Variants in FTO observed in about 807,000 individuals in gnomAD.
FTO encodes alpha-ketoglutarate-dependent dioxygenase FTO.
In FTO, 47 loss-of-function variants were observed where a neutral mutation model predicts 63.9. That is an observed-to-expected ratio of 0.74 (90% confidence interval 0.58 to 0.94). FTO has a LOEUF of 0.94. FTO is among the 40% of genes least tolerant of loss of function. FTO has a pLI of 0.00. For missense variants in FTO, 562 were observed against 618.1 expected (o/e 0.91, Z 0.96); for synonymous variants, 207 against 224.4 (o/e 0.92, Z 0.69).
intron 1 of FTO, among the ~76,000 whole-genome samples, chr16:53,733,152 C>A (rs2076311630): frequency 6.6e-6 from 1 of 152,228 alleles, no homozygotes; most frequent in South Asian, 2.1e-4. Flanking sequence ...GTTATCCCAG[C>A]ACTTTGGGAG....
intron 7 of FTO, among the ~76,000 whole-genome samples, chr16:53,894,419 C>G (rs186776662): frequency 6.6e-6 from 1 of 152,234 alleles, no homozygotes; most frequent in East Asian, 1.9e-4. Context: ...AGATTAAATT[C>G]TTTAAAACTG....
chr16:54,096,985 A>T lies in FTO; in HGVS notation c.1365-14777A>T, dbSNP rs532081932. On this transcript the variant is annotated intron_variant, in intron 8 of 8. Transcript: ENST00000471389. ...GGGCTGGAGGCCCCAAGATGGACTC[A>T]TCTGTTAAGGCCTTGGCACTAGCTG... Among the ~76,000 whole-genome samples, 19 of 152,342 alleles carry T rather than the reference A, an allele frequency of 1.2e-4. No individual in the cohort carries two copies. The East Asian group carries it at 3.5e-3, about 28-fold the overall frequency.
At chr16:54,069,028 A>T (rs1421764984) in intron 8 of FTO, among the ~76,000 whole-genome samples, 1 of 152,200 alleles carries the variant, frequency 6.6e-6, no homozygotes, top group Non-Finnish European at 1.5e-5. Flanking sequence ...TACCCAAGAA[A>T]ACGAAAGCAT....
In FTO at chr16:54,117,237, A is replaced by G. The variant is rs2086980058; in HGVS notation, c.*5322A>G. On this transcript the variant is annotated 3_prime_UTR_variant, in exon 9 of 9. Coordinates refer to ENST00000471389, the MANE Select transcript of FTO (RefSeq NM_001080432.3). ...CACCTAAGGTTGTTGTGAAGGTTCA[A>G]TAAGTTAATGCGTATTTAAAATGCC... 6.6e-6 allele frequency: 1 copy of G among 152,206 alleles called. No individual in the cohort carries two copies. Among genetic ancestry groups the G allele is most frequent in the South Asian group, 2.1e-4 (1 of 4,820 alleles). The allele number at this position is 152,206 out of a possible 1,614,324, so 9.4% of individuals were successfully genotyped here. A position where few individuals can be genotyped will look rare whatever the true frequency, so the allele number is the denominator to read the frequency against.
At chr16:53,759,746 T>G (rs1226332213) in intron 1 of FTO, among the ~76,000 whole-genome samples, 4 of 150,742 alleles carry the variant, frequency 2.7e-5, no homozygotes, top group African/African-American at 9.8e-5. Flanking sequence ...GGTCATTTCC[T>G]TGACCTAAAA....
intron 8 of FTO, among the ~76,000 whole-genome samples, chr16:54,011,570 C>T (rs1599200703): frequency 6.6e-6 from 1 of 152,190 alleles, no homozygotes; most frequent in Admixed American, 6.6e-5. Context: ...TCTTTACAAA[C>T]TGAAAGTTTG....
At chr16:53,711,958 G>A (rs1172393838) in intron 1 of FTO, among the ~76,000 whole-genome samples, 2 of 152,114 alleles carry the variant, frequency 1.3e-5, no homozygotes, top group African/African-American at 4.8e-5. Context: ...AAATGCAGTG[G>A]CTTATACCTG....
intron 8 of FTO, among the ~76,000 whole-genome samples, chr16:53,940,601 T>C (rs2082505640): frequency 6.6e-6 from 1 of 152,224 alleles, no homozygotes; most frequent in African/African-American, 2.4e-5. Flanking sequence ...TTTATAGCTC[T>C]TTAGCTTTTA....
intron 1 of FTO, among the ~76,000 whole-genome samples, chr16:53,726,676 G>T (rs2076159962): frequency 6.6e-6 from 1 of 152,184 alleles, no homozygotes; most frequent in Non-Finnish European, 1.5e-5. Flanking sequence ...ATGTGTCTCT[G>T]CCTGGACAGA....
chr16:53,866,642 A>G (rs2080325174), intron 4 of FTO, among the ~76,000 whole-genome samples: 1 of 152,106 alleles, frequency 6.6e-6, no homozygotes, highest in Non-Finnish European at 1.5e-5. Context: ...ATAGGTTTTC[A>G]GATTTTTGGG....
chr16:53,788,732 G>A (rs549392629), intron 1 of FTO, among the ~76,000 whole-genome samples: 3 of 151,562 alleles, frequency 2.0e-5, no homozygotes, highest in Non-Finnish European at 4.4e-5. Context: ...CCTGTCTTTA[G>A]TATCATAGGG....
rs2080682988 is a variant in FTO, at chr16:53,877,234, A to C, written c.976-2610A>C. Among the ~76,000 whole-genome samples the C allele has an allele frequency of 1.3e-5, 2 of 152,226 alleles. 1 individual carries two copies. The highest frequency in any genetic ancestry group is 4.1e-4 in the South Asian group (2 of 4,832). On this transcript the variant is annotated intron_variant, in intron 5 of 8. Transcript: ENST00000471389. ...CAATTCCATGCCTAGGTAGTTTCCC[A>C]AGAGTGATGGAAACTTCTACAGGAA...
chr16:53,934,061 T>G lies in FTO; in HGVS notation c.1316T>G (p.Leu439Arg), dbSNP rs755099738. The change falls in exon 8 of 9, where the codon CTT becomes CGT. Residue 439 changes from leucine (L) to arginine (R), a missense_variant. Leu to Arg is a moderately radical substitution (Grantham distance 102, BLOSUM62 -2). Coordinates refer to ENST00000471389, the MANE Select transcript of FTO (RefSeq NM_001080432.3). ...AGGAATGAAATCTTGACTGCCATCCTTGCCTCGCTCACTGCACGCCAGAAC... is the reference window on the plus strand; with the variant it reads ...AGGAATGAAATCTTGACTGCCATCCGTGCCTCGCTCACTGCACGCCAGAAC... ...EQRNEILTAI[L>R]ASLTARQNLR... 1 of 1,614,188 alleles carries G rather than the reference T, an allele frequency of 6.2e-7. No individual in the cohort carries two copies. Among genetic ancestry groups the G allele is most frequent in the Non-Finnish European group, 8.5e-7 (1 of 1,179,982 alleles).
intron 4 of FTO, among the ~76,000 whole-genome samples, chr16:53,851,659 T>TA (rs2079800394): frequency 6.6e-6 from 1 of 152,176 alleles, no homozygotes; most frequent in Admixed American, 6.5e-5. Context: ...GCTGTATTTT[T>TA]AAAAAACATA....
chr16:53,749,510 G>C (rs1157968754), intron 1 of FTO, among the ~76,000 whole-genome samples: 5 of 151,474 alleles, frequency 3.3e-5, no homozygotes, highest in African/African-American at 4.9e-5. Context: ...GCAATCTCGG[G>C]TCACTGCAAG....
At chr16:54,083,930 G>A (rs796392830) in intron 8 of FTO, among the ~76,000 whole-genome samples, 5 of 152,296 alleles carry the variant, frequency 3.3e-5, no homozygotes, top group African/African-American at 1.2e-4. Flanking sequence ...GCCTTTCCAT[G>A]TACAGGTTAA....
rs2086999114 is a variant in FTO at position 54,120,665 on chromosome 16, G to C, written c.*8750G>C. On this transcript the variant is annotated 3_prime_UTR_variant, in exon 9 of 9. Coordinates refer to ENST00000471389, the MANE Select transcript of FTO (RefSeq NM_001080432.3). The stretch of plus-strand genomic sequence containing the variant: ...AAGTTTCTGATAAGTATTGAATTTG[G>C]GAAGGCTGTGAACATTCTTGAGCCC... The C allele has an allele frequency of 1.3e-5, 2 of 152,056 alleles. No homozygotes were observed. Among genetic ancestry groups the C allele is most frequent in the Non-Finnish European group, 2.9e-5 (2 of 68,008 alleles). 9.4% of individuals were successfully genotyped at this position (152,056 alleles called of 1,614,324 possible).
chr16:53,829,004 C>T (rs1382656951), intron 3 of FTO, among the ~76,000 whole-genome samples: 1 of 152,194 alleles, frequency 6.6e-6, no homozygotes, highest in African/African-American at 2.4e-5. Context: ...GATTCTCCTG[C>T]CTCAGCTTCC....
chr16:53,860,881 AACAC>A (rs35826323), intron 4 of FTO, among the ~76,000 whole-genome samples: 1,722 of 145,698 alleles, frequency 0.012, 18 homozygotes, highest in South Asian at 0.033. Context: ...AAATGTTTTT[AACAC>A]ACACACACAC....
Sources: allele counts gnomAD v4.1 joint callset (sites outside exome capture counted in the v4.1 genomes callset), GRCh38; gene constraint gnomAD v4.1.1; transcripts MANE v1.5; gene names NCBI Gene and HGNC (gene_info 2026-07-23, HGNC 2026-07-21).